ST8SIA2: variants seen among roughly 807,000 people sequenced by gnomAD.
ST8SIA2 encodes ST8 alpha-N-acetyl-neuraminide alpha-2,8-sialyltransferase 2, also known as alpha-2,8-sialyltransferase 8B.
A neutral mutation model predicts 37.6 loss-of-function variants in ST8SIA2; 22 were observed. That is an observed-to-expected ratio of 0.58 (90% CI 0.42 to 0.83). ST8SIA2 has a LOEUF of 0.83. ST8SIA2 is among the 40% of genes least tolerant of loss of function. The pLI, the probability that ST8SIA2 is intolerant of heterozygous loss-of-function variation, is 0.00. For missense variants in ST8SIA2, 382 were observed against 484.7 expected, an observed-to-expected ratio of 0.79 and a Z score of 1.99; for synonymous variants, 205 against 201.2, an observed-to-expected ratio of 1.02 and a Z score of -0.16.
chr15:92,421,930 T>C (rs2049637688), intron 1 of ST8SIA2, among the ~76,000 whole-genome samples: 2 of 152,232 alleles, frequency 1.3e-5, no homozygotes, highest in Non-Finnish European at 2.9e-5. Flanking sequence ...TACATTATTC[T>C]CATTACCAGG....
At chr15:92,408,745 GC>G in intron 1 of ST8SIA2, among the ~76,000 whole-genome samples, 1 of 150,486 alleles carries the variant, frequency 6.6e-6, no homozygotes, top group South Asian at 2.1e-4. Context: ...TCACTCTGTC[GC>G]CCAGGCTGGA....
At chr15:92,400,942 T>A (rs1229655374) in intron 1 of ST8SIA2, among the ~76,000 whole-genome samples, 4 of 152,182 alleles carry the variant, frequency 2.6e-5, no homozygotes, top group African/African-American at 9.7e-5. Context: ...GGTCGGGATG[T>A]GTCATCTCAA....
In ST8SIA2 at chr15:92,402,849, CAGAGAGAG is replaced by C. The variant is rs58104024; in HGVS notation, c.98+8703_98+8710del. Among the ~76,000 whole-genome samples, 164 of 149,606 alleles carry C rather than the reference CAGAGAGAG, an allele frequency of 1.1e-3. 1 individual carries two copies. Among genetic ancestry groups the C allele is most frequent in the Middle Eastern group, 6.9e-3 (2 of 288 alleles). On this transcript the variant is annotated intron_variant, in intron 1 of 5. Coordinates refer to ENST00000268164, the MANE Select transcript of ST8SIA2 (RefSeq NM_006011.4). ...GGCATTTGTTTGACCATCTCATTAC[CAGAGAGAG>C]AGAGAGAGAGAGAGACACACTGAGA...
At chr15:92,455,128 A>C (rs1175956730) in intron 5 of ST8SIA2, among the ~76,000 whole-genome samples, 1 of 152,144 alleles carries the variant, frequency 6.6e-6, no homozygotes, top group African/African-American at 2.4e-5. Flanking sequence ...AGATAGGGAG[A>C]GACCAGCACA....
chr15:92,446,578 GAC>G (rs1469077354), intron 5 of ST8SIA2, among the ~76,000 whole-genome samples: 2 of 152,210 alleles, frequency 1.3e-5, no homozygotes, highest in Non-Finnish European at 2.9e-5. Context: ...TATACACTAA[GAC>G]ACAGTAGTGA....
intron 5 of ST8SIA2, among the ~76,000 whole-genome samples, chr15:92,449,099 C>T (rs1399313311): frequency 6.6e-6 from 1 of 152,114 alleles, no homozygotes; most frequent in East Asian, 1.9e-4. Flanking sequence ...GTTTGTGATA[C>T]AAACGATCCC....
At chr15:92,457,697 C>T (rs1016362645) in intron 5 of ST8SIA2, among the ~76,000 whole-genome samples, 4 of 152,132 alleles carry the variant, frequency 2.6e-5, no homozygotes, top group East Asian at 1.9e-4. Context: ...TAAAGGAAAT[C>T]GAGAGTGATT....
intron 5 of ST8SIA2, among the ~76,000 whole-genome samples, chr15:92,457,743 C>G (rs142861310): frequency 1.3e-5 from 2 of 152,330 alleles, no homozygotes; most frequent in African/African-American, 4.8e-5. Context: ...CTATTACAAG[C>G]TGCTCGTTAA....
intron 3 of ST8SIA2, among the ~76,000 whole-genome samples, chr15:92,436,502 T>G (rs1426765951): frequency 6.6e-6 from 1 of 152,222 alleles, no homozygotes; most frequent in Non-Finnish European, 1.5e-5. Flanking sequence ...TGCAAGTGAT[T>G]TGGAATGATG....
intron 3 of ST8SIA2, among the ~76,000 whole-genome samples, chr15:92,435,537 T>C (rs905331623): frequency 6.6e-6 from 1 of 152,114 alleles, no homozygotes; most frequent in Non-Finnish European, 1.5e-5. Flanking sequence ...CCATCAGCAA[T>C]GTCACCACGC....
chr15:92,464,214 G>T lies in ST8SIA2; in HGVS notation c.957G>T (p.Pro319=), dbSNP rs201615346. The change falls in exon 6 of 6, where the codon CCG becomes CCT. Residue 319 remains proline, a synonymous_variant. Coordinates refer to ENST00000268164, the MANE Select transcript of ST8SIA2 (RefSeq NM_006011.4). ...QIYLYGFWPF[P]LDQNQNPVKY... is the part of the protein sequence containing the mutation. ...ACCTCTACGGCTTCTGGCCCTTTCCGCTGGATCAGAACCAGAACCCAGTCA... is the reference window on the plus strand; with the variant it reads ...ACCTCTACGGCTTCTGGCCCTTTCCTCTGGATCAGAACCAGAACCCAGTCA... 2 of 1,612,408 alleles carry T rather than the reference G, an allele frequency of 1.2e-6. No individual in the cohort carries two copies. The highest frequency in any genetic ancestry group is 2.7e-5 in the African/African-American group (2 of 74,472).
intron 1 of ST8SIA2, among the ~76,000 whole-genome samples, chr15:92,397,022 T>G (rs1348737092): frequency 6.6e-6 from 1 of 152,162 alleles, no homozygotes; most frequent in Non-Finnish European, 1.5e-5. Context: ...TAGGGAGGAT[T>G]ACAGATGATC....
At chr15:92,446,226 T>C (rs1184474011) in intron 5 of ST8SIA2, among the ~76,000 whole-genome samples, 2 of 152,170 alleles carry the variant, frequency 1.3e-5, no homozygotes, top group African/African-American at 4.8e-5. Flanking sequence ...CTCTTTATGT[T>C]ATATTAGGGT....
chr15:92,448,231 G>A (rs1430834838), intron 5 of ST8SIA2, among the ~76,000 whole-genome samples: 5 of 152,336 alleles, frequency 3.3e-5, no homozygotes, highest in Non-Finnish European at 5.9e-5. Context: ...TTTAGCAGGG[G>A]GAGAAGAAGG....
intron 5 of ST8SIA2, among the ~76,000 whole-genome samples, chr15:92,455,888 T>A (rs1406654474): frequency 6.6e-6 from 1 of 152,258 alleles, no homozygotes; most frequent in East Asian, 1.9e-4. Flanking sequence ...TTATGGAAAA[T>A]ACCTGTTTTC....
chr15:92,400,936 G>A (rs952338519), intron 1 of ST8SIA2, among the ~76,000 whole-genome samples: 6 of 152,178 alleles, frequency 3.9e-5, no homozygotes, highest in African/African-American at 1.4e-4. Context: ...AGGTCAGGTC[G>A]GGATGTGTCA....
chr15:92,394,780 C>T (rs1427677433), intron 1 of ST8SIA2, among the ~76,000 whole-genome samples: 3 of 152,154 alleles, frequency 2.0e-5, no homozygotes, highest in Non-Finnish European at 2.9e-5. Flanking sequence ...TGGACTGAGA[C>T]CCCCCGCCCT....
rs2049983843 is a variant in ST8SIA2 at position 92,465,228 on chromosome 15, CT to C, written c.*846del. 1.3e-5 allele frequency: 2 copies of C among 152,398 alleles called. No homozygotes were observed. The highest frequency in any genetic ancestry group is 4.8e-5 in the African/African-American group (2 of 41,536). The allele number at this position is 152,398 out of a possible 1,614,324, so 9.4% of individuals were successfully genotyped here. A position where few individuals can be genotyped will look rare whatever the true frequency, so the allele number is the denominator to read the frequency against. On this transcript the variant is annotated 3_prime_UTR_variant, in exon 6 of 6. Transcript: ENST00000268164. ...CAGGAGAGTGTCTAAAATCTAGCTGCTTTGGGTGTTTTTTAAAGCAATGTGA... is the reference window on the plus strand; with the variant it reads ...CAGGAGAGTGTCTAAAATCTAGCTGCTTGGGTGTTTTTTAAAGCAATGTGA...
intron 3 of ST8SIA2, among the ~76,000 whole-genome samples, chr15:92,436,085 C>T (rs2049755750): frequency 6.6e-6 from 1 of 152,198 alleles, no homozygotes; most frequent in Non-Finnish European, 1.5e-5. Context: ...CCTATAAGGA[C>T]ACCTGTCATT....
Sources: allele counts gnomAD v4.1 joint callset (sites outside exome capture counted in the v4.1 genomes callset), GRCh38; gene constraint gnomAD v4.1.1; transcripts MANE v1.5; gene names NCBI Gene and HGNC (gene_info 2026-07-23, HGNC 2026-07-21).